KALRN: variants seen among roughly 807,000 people sequenced by gnomAD.
KALRN encodes the protein kalirin RhoGEF kinase.
In KALRN, 70 loss-of-function variants were observed where a neutral mutation model predicts 353.7. The observed-to-expected ratio is 0.20, with a 90% CI of 0.16 to 0.24. The LOEUF is 0.24. Among genes scored for constraint, KALRN ranks in the 10% least tolerant of loss-of-function variants. The pLI is 1.00. For missense variants in KALRN, 2,791 were observed against 3,756.7 expected, an observed-to-expected ratio of 0.74 and a Z score of 6.72; for synonymous variants, 1,391 against 1,434.8, an observed-to-expected ratio of 0.97 and a Z score of 0.69.
intron 6 of KALRN, among the ~76,000 whole-genome samples, chr3:124,302,246 G>A (rs562531179): frequency 2.2e-4 from 34 of 152,228 alleles, no homozygotes; most frequent in African/African-American, 7.7e-4. Context: ...AGAGTCCAGC[G>A]GAGAGATAGA....
chr3:124,428,327 C>T (rs1360118912), intron 15 of KALRN, among the ~76,000 whole-genome samples: 1 of 152,150 alleles, frequency 6.6e-6, no homozygotes, highest in Non-Finnish European at 1.5e-5. Context: ...ACATCATTAT[C>T]CAGCTTTTCT....
chr3:124,265,770 C>CAT (rs1345107468), intron 4 of KALRN, among the ~76,000 whole-genome samples: 1 of 152,044 alleles, frequency 6.6e-6, no homozygotes, highest in Non-Finnish European at 1.5e-5. Flanking sequence ...TATACATACA[C>CAT]ATATATAGGT....
chr3:124,423,121 G>T, intron 15 of KALRN, 143 bp downstream of exon 15: 1 of 682,770 alleles, frequency 1.5e-6, no homozygotes, highest in Non-Finnish European at 2.4e-6. Context: ...GTAAGTTAAG[G>T]ACTACTTGTA....
intron 1 of KALRN, among the ~76,000 whole-genome samples, chr3:124,224,191 A>AG (rs1304744039): frequency 6.9e-6 from 1 of 145,882 alleles, no homozygotes; most frequent in African/African-American, 2.5e-5. Context: ...CCAAGGGCTT[A>AG]GGGGTTTTTT....
intron 34 of KALRN, among the ~76,000 whole-genome samples, chr3:124,605,586 A>G (rs60209678): frequency 0.49 from 68,947 of 141,946 alleles, 17,388 homozygotes; most frequent in Middle Eastern, 0.58. Flanking sequence ...AAAAAAAAAA[A>G]AGAGAGAGAG....
intron 10 of KALRN, among the ~76,000 whole-genome samples, chr3:124,371,555 T>C (rs2085837263): frequency 6.6e-6 from 1 of 152,186 alleles, no homozygotes; most frequent in Admixed American, 6.5e-5. Context: ...CTACCAATAG[T>C]CTTACACACC....
chr3:124,125,081 G>A (rs1196377699), intron 1 of KALRN, among the ~76,000 whole-genome samples: 1 of 152,188 alleles, frequency 6.6e-6, no homozygotes, highest in Non-Finnish European at 1.5e-5. Flanking sequence ...CCCTAGTTCA[G>A]AACCTGGAGT....
chr3:124,244,125 T>C (rs1451266107), intron 3 of KALRN, among the ~76,000 whole-genome samples: 1 of 152,252 alleles, frequency 6.6e-6, no homozygotes, highest in Non-Finnish European at 1.5e-5. Context: ...ATATTTCTTT[T>C]ACTGGAGAAA....
At chr3:124,585,857 C>G (rs969508963) in intron 34 of KALRN, among the ~76,000 whole-genome samples, 2 of 152,192 alleles carry the variant, frequency 1.3e-5, no homozygotes, top group African/African-American at 4.8e-5. Flanking sequence ...CACCCAGTCT[C>G]CCATCCCATC....
chr3:124,340,725 C>T (rs1182911236), intron 9 of KALRN, among the ~76,000 whole-genome samples: 1 of 152,016 alleles, frequency 6.6e-6, no homozygotes, highest in Non-Finnish European at 1.5e-5. Context: ...GAGGCAAAGG[C>T]AGGTAGATTA....
intron 1 of KALRN, among the ~76,000 whole-genome samples, chr3:124,181,201 A>G (rs1264019861): frequency 1.3e-5 from 2 of 152,110 alleles, no homozygotes; most frequent in Admixed American, 1.3e-4. Context: ...CAGTAAGCCA[A>G]GATCTCACCA....
At position 124,456,674 on chromosome 3, in the gene KALRN, G is replaced by A. The variant is rs772820320; in HGVS notation, c.3800G>A (p.Arg1267Gln). Residue 1267 changes from arginine (R) to glutamine (Q), a missense_variant, in exon 23 of 60, where the codon CGG (arginine) becomes CAG (glutamine). Arg to Gln is a conservative substitution (Grantham distance 43, BLOSUM62 1). This residue lies in a region of KALRN where 268 missense variants were observed against 347.0 expected (regional missense o/e 0.77). Transcript: ENST00000682506. The stretch of plus-strand genomic sequence containing the variant: ...CTTTCGGATCGGGAGGTCAAGCTGC[G>A]GGACGCCAACCACGAAGTCAATGAA... ...ASLSDREVKL[R>Q]DANHEVNEEK... 1.9e-6 allele frequency: 3 copies of A among 1,613,388 alleles called. No individual in the cohort carries two copies. Among genetic ancestry groups the A allele is most frequent in the South Asian group, 1.1e-5 (1 of 91,026 alleles).
At chr3:124,293,219 G>T (rs975088927) in intron 5 of KALRN, among the ~76,000 whole-genome samples, 7 of 152,168 alleles carry the variant, frequency 4.6e-5, no homozygotes, top group African/African-American at 1.7e-4. Context: ...TGGTTGTCTT[G>T]TGTCCTCTTA....
At chr3:124,618,007 G>A (rs2078811141) in intron 34 of KALRN, among the ~76,000 whole-genome samples, 1 of 151,258 alleles carries the variant, frequency 6.6e-6, no homozygotes, top group Non-Finnish European at 1.5e-5. Flanking sequence ...ACAGTCTGGA[G>A]CTGTTATGTA....
At chr3:124,145,322 CT>C (rs1246351239) in intron 1 of KALRN, among the ~76,000 whole-genome samples, 1 of 152,194 alleles carries the variant, frequency 6.6e-6, no homozygotes, top group African/African-American at 2.4e-5. Context: ...AGTTTTCACC[CT>C]AGCCACACGT....
intron 1 of KALRN, among the ~76,000 whole-genome samples, chr3:124,047,657 T>TA (rs1217793229): frequency 1.4e-5 from 2 of 143,750 alleles, no homozygotes; most frequent in Non-Finnish European, 3.0e-5. Context: ...CACGCCTGGC[T>TA]AATTTTTTTT....
intron 34 of KALRN, among the ~76,000 whole-genome samples, chr3:124,587,672 A>G (rs1259115777): frequency 2.7e-5 from 2 of 73,782 alleles, no homozygotes; most frequent in African/African-American, 1.1e-4. Context: ...ACTATCTTGT[A>G]TTTTTCCCTC....
At chr3:124,485,137 C>A (rs1215670653) in intron 28 of KALRN, among the ~76,000 whole-genome samples, 1 of 152,112 alleles carries the variant, frequency 6.6e-6, no homozygotes, top group African/African-American at 2.4e-5. Context: ...AATTATTTTT[C>A]TTGTGCTAAC....
intron 21 of KALRN, among the ~76,000 whole-genome samples, chr3:124,447,282 A>G (rs959785988): frequency 1.3e-5 from 2 of 152,156 alleles, no homozygotes; most frequent in African/African-American, 4.8e-5. Context: ...AGTCCACCTT[A>G]TTAGAAGGGC....
Sources: gnomAD v4.1 joint callset for allele counts (sites outside exome capture counted in the v4.1 genomes callset) on GRCh38, gnomAD v4.1.1 for gene constraint, gnomAD v4.1.1 regional missense constraint, MANE v1.5 for transcripts, NCBI Gene and HGNC (gene_info 2026-07-23, HGNC 2026-07-21) for gene names.